The following PCDH15 variants were observed in gnomAD, a reference collection of about 807,000 sequenced individuals.
PCDH15 encodes protocadherin-15.
In PCDH15, 129 loss-of-function variants were observed where a neutral mutation model predicts 178.5. The ratio of observed to expected loss-of-function variants is 0.72; its 90% confidence interval spans 0.63 to 0.84. The LOEUF (loss-of-function observed/expected upper bound fraction) is 0.84, where lower values mean the gene tolerates loss of function less well. PCDH15 is among the 40% of genes least tolerant of loss of function. PCDH15 has a pLI of 0.00. For synonymous variants in PCDH15, 800 were observed against 732.0 expected, an observed-to-expected ratio of 1.09 and a Z score of -1.50; for missense variants, 2,230 against 2,099.9, an observed-to-expected ratio of 1.06 and a Z score of -1.21.
rs769348776 is a variant in PCDH15, at chr10:54,317,429, TTTGGGCACGGTCCTG to T, written c.706-3_717del. ...GTGGTGGTTCGCCTCTCATTCAGAT[TTTGGGCACGGTCCTG>T]TTAGGGAGAAAAACAAACAACAGGT... On this transcript the variant is annotated splice_acceptor_variant and splice_polypyrimidine_tract_variant and coding_sequence_variant and intron_variant, in exon 8 of 38. Transcript: ENST00000644397. LOFTEE classifies it high-confidence loss of function. The T allele has an allele frequency of 2.5e-6, 4 of 1,613,830 alleles. No individual in the cohort carries two copies. Among genetic ancestry groups the T allele is most frequent in the African/African-American group, 1.3e-5 (1 of 74,984 alleles).
chr10:54,507,733 T>C (rs2081290452), intron 3 of PCDH15, among the ~76,000 whole-genome samples: 1 of 152,024 alleles, frequency 6.6e-6, no homozygotes, highest in Admixed American at 6.6e-5. Context: ...AGTCAAGATC[T>C]GAAACATAAC....
At chr10:54,745,716 T>C (rs1566107381) in intron 1 of PCDH15, among the ~76,000 whole-genome samples, 1 of 152,088 alleles carries the variant, frequency 6.6e-6, no homozygotes, top group Non-Finnish European at 1.5e-5. Flanking sequence ...ACTCACTGAT[T>C]CAGAAACTGG....
chr10:53,810,085 G>T (rs902804903), intron 37 of PCDH15, among the ~76,000 whole-genome samples: 2 of 151,486 alleles, frequency 1.3e-5, no homozygotes, highest in African/African-American at 2.4e-5. Context: ...GAATTTTATA[G>T]AAATGAGTCA....
At position 54,218,980 on chromosome 10, in the gene PCDH15, G is replaced by A. The variant is rs151234097; in HGVS notation, c.986-4932C>T. ...GATTAAAAGAGACTTAGGGCTGGGC[G>A]CAGTGGCTCACGCCTGTAATCCCAG... On this transcript the variant is annotated intron_variant, in intron 9 of 37. Coordinates refer to ENST00000644397, the MANE Select transcript of PCDH15 (RefSeq NM_001384140.1). 9.6e-3 allele frequency among the ~76,000 whole-genome samples: 1,454 copies of A among 151,816 alleles called. 20 individuals are homozygous for A. The highest frequency in any genetic ancestry group is 0.03 in the African/African-American group (1,253 of 41,398).
intron 18 of PCDH15, among the ~76,000 whole-genome samples, chr10:54,035,681 A>T (rs1039674294): frequency 6.6e-6 from 1 of 151,870 alleles, no homozygotes; most frequent in African/African-American, 2.4e-5. Flanking sequence ...GCCAATTAAT[A>T]ACCCCACTAT....
At chr10:55,451,006 A>G (rs968321914) in intron 2 of PCDH15, among the ~76,000 whole-genome samples, 10 of 143,590 alleles carry the variant, frequency 7.0e-5, no homozygotes, top group Non-Finnish European at 1.3e-4. Context: ...GACATACCAT[A>G]TAAGCTAACT....
intron 1 of PCDH15, among the ~76,000 whole-genome samples, chr10:54,763,124 T>G (rs890939565): frequency 4.6e-5 from 7 of 152,166 alleles, no homozygotes; most frequent in African/African-American, 1.7e-4. Context: ...ATTTTGAGGA[T>G]GAACCCACCC....
intron 2 of PCDH15, among the ~76,000 whole-genome samples, chr10:55,400,235 T>C (rs1838030225): frequency 6.6e-6 from 1 of 152,112 alleles, no homozygotes; most frequent in African/African-American, 2.4e-5. Flanking sequence ...GGAGTCCTCC[T>C]ACAGCTTGCT....
At position 53,805,817 on chromosome 10, in the gene PCDH15, C is replaced by T. The variant is rs868320345; in HGVS notation, c.*762G>A. The T allele has an allele frequency of 6.6e-6, 1 of 152,028 alleles. No individual in the cohort carries two copies. Among genetic ancestry groups the T allele is most frequent in the African/African-American group, 2.4e-5 (1 of 41,412 alleles). 9.4% of individuals were successfully genotyped at this position (152,028 alleles called of 1,614,324 possible). On this transcript the variant is annotated 3_prime_UTR_variant, in exon 38 of 38. Coordinates refer to ENST00000644397, the MANE Select transcript of PCDH15 (RefSeq NM_001384140.1). ...AAAGCTTTTGCTAAGGGTGAGATTT[C>T]CATGTTGCTCCAAACAATTATTTAA...
intron 2 of PCDH15, among the ~76,000 whole-genome samples, chr10:54,617,365 T>C (rs1156498197): frequency 6.6e-6 from 1 of 152,138 alleles, no homozygotes; most frequent in African/African-American, 2.4e-5. Flanking sequence ...TATTTGTGAA[T>C]CTGCTTTTGA....
intron 1 of PCDH15, among the ~76,000 whole-genome samples, chr10:54,799,898 T>G (rs1952470345): frequency 6.6e-6 from 1 of 152,126 alleles, no homozygotes; most frequent in African/African-American, 2.4e-5. Flanking sequence ...CAACAAAGCT[T>G]CATACCTGCT....
At chr10:55,579,238 C>T (rs1842558932) in intron 2 of PCDH15, among the ~76,000 whole-genome samples, 1 of 152,080 alleles carries the variant, frequency 6.6e-6, no homozygotes, top group African/African-American at 2.4e-5. Flanking sequence ...ATTCGAAATA[C>T]TTTTAGATGA....
chr10:54,354,785 T>C (rs1944707594), intron 5 of PCDH15, among the ~76,000 whole-genome samples: 1 of 152,182 alleles, frequency 6.6e-6, no homozygotes, highest in Non-Finnish European at 1.5e-5. Context: ...AGTGTTATGC[T>C]TCTCATGAAT....
At chr10:54,502,329 T>G (rs1359555130) in intron 3 of PCDH15, among the ~76,000 whole-genome samples, 2 of 152,126 alleles carry the variant, frequency 1.3e-5, no homozygotes, top group Non-Finnish European at 2.9e-5. Flanking sequence ...ACCCTGCTTA[T>G]CTTTCCAGCC....
chr10:54,600,243 C>A (rs2092461046), intron 2 of PCDH15: 2 of 568,184 alleles, frequency 3.5e-6, no homozygotes, highest in African/African-American at 1.9e-5. Flanking sequence ...GAAGCCACAG[C>A]AACAGGAGAA....
intron 2 of PCDH15, among the ~76,000 whole-genome samples, chr10:55,120,455 G>A (rs1297109852): frequency 2.0e-5 from 3 of 152,124 alleles, no homozygotes; most frequent in African/African-American, 4.8e-5. Context: ...TAGTGATCTA[G>A]AGGGAGTATA....
Position 54,020,433 on chromosome 10 carries a change from AAT to A in PCDH15, c.2527-19_2527-18del. 6.2e-7 allele frequency: 1 copy of A among 1,610,762 alleles called. No individual in the cohort carries two copies. The highest frequency in any genetic ancestry group is 8.5e-7 in the Non-Finnish European group (1 of 1,177,290). On this transcript the variant is annotated intron_variant, in intron 19 of 37. Transcript: ENST00000644397. ...ATCTTTGGCCTGTAATAAGCAGAAG[AAT>A]AGTTTTATTAGTGACGTTACCAAAA...
At chr10:55,309,798 C>T (rs117673435) in intron 1 of PCDH15, among the ~76,000 whole-genome samples, 175 of 152,240 alleles carry the variant, frequency 1.1e-3, no homozygotes, top group Middle Eastern at 3.4e-3. Context: ...TACATTCCAC[C>T]ATGTCCCACT....
intron 24 of PCDH15, 72 bp from the exon 25 acceptor site, chr10:53,939,027 CTG>C (rs2085825099): frequency 6.7e-7 from 1 of 1,494,218 alleles, no homozygotes. Flanking sequence ...TTAAAAGGCA[CTG>C]TGATTTCAAA....
Sources: gnomAD v4.1 joint callset for allele counts (sites outside exome capture counted in the v4.1 genomes callset) on GRCh38, gnomAD v4.1.1 for gene constraint, MANE v1.5 for transcripts, NCBI Gene and HGNC (gene_info 2026-07-23, HGNC 2026-07-21) for gene names.